Variants in ABL2 observed in about 807,000 individuals in gnomAD.
The protein encoded by ABL2 is tyrosine-protein kinase ABL2.
Under a neutral mutation model 107.7 loss-of-function variants are expected in ABL2, and 49 were observed. The ratio of observed to expected loss-of-function variants is 0.45; its 90% confidence interval spans 0.36 to 0.58. The LOEUF (loss-of-function observed/expected upper bound fraction) is 0.58, where lower values mean the gene tolerates loss of function less well. ABL2 is among the 20% of genes least tolerant of loss of function. ABL2 has a pLI of 0.00. For synonymous variants in ABL2, 549 were observed against 548.6 expected (o/e 1.00, Z -0.01); for missense variants, 1,245 against 1,457.0 (o/e 0.85, Z 2.37).
chr1:179,126,610 T>A lies in ABL2; in HGVS notation c.454A>T (p.Asn152Tyr). 10 of 1,614,154 alleles carry A rather than the reference T, an allele frequency of 6.2e-6. No individual in the cohort carries two copies. Among genetic ancestry groups the A allele is most frequent in the Non-Finnish European group, 8.5e-6 (10 of 1,180,034 alleles). ...TTGCTTGGCACCCAGCCCTGCCCAT[T>A]CTTAGAGCGAACTTCACTCCACTCA... is the stretch of plus-strand genomic sequence containing the variant. ...NGEWSEVRSK[N>Y]GQGWVPSNYI... Residue 152 changes from asparagine to tyrosine, a missense_variant, in exon 4 of 12, where the codon AAT becomes TAT. Coordinates refer to ENST00000502732, the MANE Select transcript of ABL2 (RefSeq NM_007314.4). This position sits in a 1 kb window ranked among gnomAD's most constrained non-coding sequence, Gnocchi z 4.4.
Position 179,112,303 on chromosome 1 carries a change from T to C in ABL2, c.1651+6A>G, listed in dbSNP as rs745846691. The C allele has an allele frequency of 3.7e-6, 6 of 1,610,510 alleles. No homozygotes were observed. The highest frequency in any genetic ancestry group is 5.1e-6 in the Non-Finnish European group (6 of 1,177,024). The stretch of plus-strand genomic sequence containing the variant: ...GTCACCAACAGTAAATCCAACAGAT[T>C]CTCACCTTCAGAAATGCTGGAGTCA... On this transcript the variant is annotated splice_donor_region_variant and intron_variant, in intron 10 of 11. Transcript: ENST00000502732.
chr1:179,124,167 G>C (rs1452202442), intron 4 of ABL2, among the ~76,000 whole-genome samples: 1 of 151,688 alleles, frequency 6.6e-6, no homozygotes, highest in Non-Finnish European at 1.5e-5. Context: ...CGTGAACCTG[G>C]GAGGCGGAAC....
intron 10 of ABL2, chr1:179,110,954 C>A: frequency 3.2e-6 from 4 of 1,234,144 alleles, no homozygotes; most frequent in Non-Finnish European, 3.4e-6. Context: ...TGCATGCTTG[C>A]TAAAATTTGA....
chr1:179,208,806 T>A (rs980673121), intron 1 of ABL2, among the ~76,000 whole-genome samples: 1 of 152,222 alleles, frequency 6.6e-6, no homozygotes, highest in Non-Finnish European at 1.5e-5. Context: ...ATTCTACCAC[T>A]AAAGCACAAC....
intron 9 of ABL2, 117 bp from the exon 10 acceptor site, chr1:179,112,515 A>G (rs559943950): frequency 7.2e-6 from 5 of 693,142 alleles, no homozygotes; most frequent in Non-Finnish European, 1.2e-5. Context: ...CAGTTACAGC[A>G]TGTTCACAAT....
At chr1:179,195,414 T>C (rs762971841) in intron 1 of ABL2, among the ~76,000 whole-genome samples, 48 of 152,160 alleles carry the variant, frequency 3.2e-4, no homozygotes, top group Non-Finnish European at 5.3e-4. Flanking sequence ...CTAGAACCCT[T>C]GTGCATTATT....
In ABL2 at chr1:179,121,483, G is replaced by A; in HGVS notation, c.960+112C>T. ...ATCATCTCAATTTGCTGATGTGCTT[G>A]GCACTAGTGGGTGGAAAGTGTTCCA... On this transcript the variant is annotated intron_variant, in intron 5 of 11. Transcript: ENST00000502732. The A allele has an allele frequency of 3.7e-6, 5 of 1,352,358 alleles. No individual in the cohort carries two copies. In the South Asian group the frequency reaches 5.5e-5, roughly 15 times the overall value. The allele number at this position is 1,352,358 out of a possible 1,614,324, so 83.8% of individuals were successfully genotyped here.
At position 179,225,957 on chromosome 1, in the gene ABL2, T is replaced by C. The variant is rs376064280; in HGVS notation, c.157+3284A>G. ...TGCTCGGGAGGCTGAGGCAGGAGAA[T>C]GGCGTGAACCCGGGAGGCGGAGCTT... is the stretch of plus-strand genomic sequence containing the variant. On this transcript the variant is annotated intron_variant, in intron 1 of 11. Coordinates refer to ENST00000502732, the MANE Select transcript of ABL2 (RefSeq NM_007314.4). Among the ~76,000 whole-genome samples, 150 of 137,712 alleles carry C rather than the reference T, an allele frequency of 1.1e-3. 2 individuals carry two copies. In the East Asian group the frequency reaches 0.031, roughly 28 times the overall value. The allele number at this position is 137,712 out of a possible 152,430, so 90.3% of individuals were successfully genotyped here.
In ABL2 at chr1:179,227,563, T is replaced by C. The variant is rs143118387; in HGVS notation, c.157+1678A>G. Among the ~76,000 whole-genome samples, 11 of 152,334 alleles carry C rather than the reference T, an allele frequency of 7.2e-5. No individual in the cohort carries two copies. In the East Asian group the frequency reaches 1.7e-3, roughly 24 times the overall value. On this transcript the variant is annotated intron_variant, in intron 1 of 11. Transcript: ENST00000502732. ...AGATAGTAAAGCAAGAGGATCACCA[T>C]TGCCTACTAGGCCAAGTTTAATGCA... is the stretch of plus-strand genomic sequence containing the variant.
In ABL2 at chr1:179,120,168, T is replaced by C. The variant is rs748981756; in HGVS notation, c.1045+22A>G. 6.0e-6 allele frequency: 9 copies of C among 1,510,992 alleles called. No individual in the cohort carries two copies. The East Asian group carries it at 1.4e-4, about 24-fold the overall frequency. The allele number at this position is 1,510,992 out of a possible 1,614,324, so 93.6% of individuals were successfully genotyped here. On this transcript the variant is annotated intron_variant, in intron 6 of 11. Transcript: ENST00000502732. ...GGCAAGCATTTTTGGAGGAAATCTATGGTTCAGGCAAGGTTCCTCACCTAA... is the reference window on the plus strand; with the variant it reads ...GGCAAGCATTTTTGGAGGAAATCTACGGTTCAGGCAAGGTTCCTCACCTAA...
chr1:179,208,237 C>A (rs375391614), intron 1 of ABL2, among the ~76,000 whole-genome samples: 9 of 152,100 alleles, frequency 5.9e-5, no homozygotes, highest in African/African-American at 2.2e-4. Context: ...GTTTGGGGTA[C>A]GAATAATCCT....
intron 1 of ABL2, among the ~76,000 whole-genome samples, chr1:179,154,850 C>G (rs1658584239): frequency 1.3e-5 from 2 of 152,194 alleles, no homozygotes; most frequent in Non-Finnish European, 2.9e-5. Context: ...TTGGGAAAGA[C>G]TCATCTTTAA....
intron 11 of ABL2, among the ~76,000 whole-genome samples, chr1:179,109,666 C>T (rs1180861673): frequency 1.3e-5 from 2 of 152,036 alleles, no homozygotes; most frequent in African/African-American, 2.4e-5. Context: ...CGGTGGCTCA[C>T]GCCTGTAATC....
In ABL2 at chr1:179,131,311, C is replaced by T. The variant is rs781268035; in HGVS notation, c.391G>A (p.Gly131Ser). The stretch of plus-strand genomic sequence containing the variant: ...AAAGGATGCTACATAGAAGCCTCAC[C>T]TTTAGTGATGCTGAGTGTGTTATCA... ...SGDNTLSITK[G>S]EKLRVLGYNQ... The change falls in exon 3 of 12, where the codon GGT becomes AGT. Residue 131 changes from glycine to serine, a missense_variant and splice_region_variant. By Grantham distance (56) the Gly-to-Ser change is moderately conservative (BLOSUM62 0). This residue lies in a region of ABL2 where 320 missense variants were observed against 547.0 expected (regional missense o/e 0.59). Transcript: ENST00000502732. The T allele has an allele frequency of 2.5e-6, 4 of 1,612,984 alleles. No individual in the cohort carries two copies. The African/African-American group carries it at 4.0e-5, about 16-fold the overall frequency.
At chr1:179,222,895 G>A (rs1044169461) in intron 1 of ABL2, among the ~76,000 whole-genome samples, 6 of 151,892 alleles carry the variant, frequency 4.0e-5, no homozygotes, top group African/African-American at 7.3e-5. Context: ...CGGATCATTT[G>A]AGGCCAGGAG....
chr1:179,168,348 A>T (rs1056528139), intron 1 of ABL2, among the ~76,000 whole-genome samples: 3 of 152,184 alleles, frequency 2.0e-5, no homozygotes, highest in Non-Finnish European at 4.4e-5. Context: ...AATACAATGT[A>T]AATTCTACAT....
Position 179,131,422 on chromosome 1 carries a change from T to C in ABL2, c.280A>G (p.Arg94Gly). 1 of 1,614,114 alleles carries C rather than the reference T, an allele frequency of 6.2e-7. No individual in the cohort carries two copies. The highest frequency in any genetic ancestry group is 8.5e-7 in the Non-Finnish European group (1 of 1,179,968). The change falls in exon 3 of 12, where the codon AGG becomes GGG. Residue 94 changes from arginine (R) to glycine (G), a missense_variant. By Grantham distance (125) the Arg-to-Gly change is moderately radical. Transcript: ENST00000502732. ...AGCAAGTTCTCCTTGGAGCTCCACC[T>C]GATAGCCTCATTTAGTGCCTGGGGT... is the stretch of plus-strand genomic sequence containing the variant. ...VEPQALNEAIRWSSKENLLGA... is the reference protein window; with the variant it reads ...VEPQALNEAIGWSSKENLLGA...
At chr1:179,140,139 A>G (rs1191341212) in intron 1 of ABL2, among the ~76,000 whole-genome samples, 3 of 152,138 alleles carry the variant, frequency 2.0e-5, no homozygotes, top group Non-Finnish European at 4.4e-5. Context: ...AAAAGCTAAA[A>G]TCCTTAAAGG....
intron 1 of ABL2, among the ~76,000 whole-genome samples, chr1:179,171,199 T>C (rs527297723): frequency 6.6e-5 from 10 of 152,336 alleles, no homozygotes; most frequent in African/African-American, 2.4e-4. Flanking sequence ...CCTTTATAAC[T>C]ATTGGCCGTC....
Sources: gnomAD v4.1 joint callset for allele counts (sites outside exome capture counted in the v4.1 genomes callset) on GRCh38, gnomAD v4.1.1 for gene constraint, gnomAD v4.1.1 regional missense constraint, Gnocchi (gnomAD v3.1) non-coding constraint, MANE v1.5 for transcripts, NCBI Gene and HGNC (gene_info 2026-07-23, HGNC 2026-07-21) for gene names.